The following CRNKL1 variants were observed in gnomAD, a reference collection of about 807,000 sequenced individuals.
The protein encoded by CRNKL1 is crooked neck pre-mRNA splicing factor 1.
In CRNKL1, 35 loss-of-function variants were observed where a neutral mutation model predicts 103.7. That is an observed-to-expected ratio of 0.34 (90% CI 0.26 to 0.45). CRNKL1 has a LOEUF of 0.45. Ranked by LOEUF, CRNKL1 falls within the 20% of genes least tolerant of loss-of-function variation. CRNKL1 has a pLI of 1.00. For missense variants in CRNKL1, 645 were observed against 836.0 expected, an observed-to-expected ratio of 0.77 and a Z score of 2.82; for synonymous variants, 267 against 282.6, an observed-to-expected ratio of 0.94 and a Z score of 0.55.
At chr20:20,055,898 T>TA, upstream of CRNKL1, 1 of 1,380,216 alleles carries the variant, frequency 7.2e-7, no homozygotes. Flanking sequence ...AAGAGAGACT[T>TA]ACAGAAATTG....
chr20:20,044,670 A>C (rs887987602), intron 6 of CRNKL1, among the ~76,000 whole-genome samples: 1 of 152,198 alleles, frequency 6.6e-6, no homozygotes, highest in African/African-American at 2.4e-5. Context: ...CCCAGGCTAG[A>C]GTGCAATGGC....
In CRNKL1 at chr20:20,037,567, C is replaced by A; in HGVS notation, c.1652G>T (p.Trp551Leu). ...CAACTCAAACTGAGCAAAGCTGATC[C>A]ATACCTTTAAAAAAAGTTATTATTG... ...LLQRTQHVKV[W>L]ISFAQFELSS... The change falls in exon 13 of 14, where the codon TGG (tryptophan) becomes TTG (leucine). Residue 551 changes from tryptophan to leucine, a missense_variant. Trp to Leu is a moderately conservative substitution (Grantham distance 61). Around this residue, in one of 2 missense-constraint regions of CRNKL1, gnomAD observed 582 missense variants for 707.7 expected, o/e 0.82. Coordinates refer to ENST00000536226, the MANE Select transcript of CRNKL1 (RefSeq NM_001278628.2). 1 of 1,610,658 alleles carries A rather than the reference C, an allele frequency of 6.2e-7. No homozygotes were observed. Among genetic ancestry groups the A allele is most frequent in the Non-Finnish European group, 8.5e-7 (1 of 1,179,072 alleles).
chr20:20,052,533 G>A (rs750771442), upstream of CRNKL1: 7 of 1,614,140 alleles, frequency 4.3e-6, no homozygotes, highest in African/African-American at 1.3e-5. Context: ...ATGGTGACCA[G>A]GCTGCGCGTC....
In CRNKL1 at chr20:20,036,336, A is replaced by G. The variant is rs1568755127; in HGVS notation, c.1923T>C (p.Phe641=). 6.2e-7 allele frequency: 1 copy of G among 1,614,232 alleles called. No homozygotes were observed. Among genetic ancestry groups the G allele is most frequent in the African/African-American group, 1.3e-5 (1 of 75,068 alleles). The part of the protein sequence containing the change: ...DGSDAGWEEY[F]DYIFPEDAAN... ...CAGCATCTTCTGGAAAGATGTAATC[A>G]AAGTATTCTTCCCAGCCTGCATCAG... The change falls in exon 14 of 14, where the codon TTT becomes TTC. Residue 641 remains phenylalanine (F), a synonymous_variant. Coordinates refer to ENST00000536226, the MANE Select transcript of CRNKL1 (RefSeq NM_001278628.2).
chr20:20,048,891 G>A (rs1018153739), intron 3 of CRNKL1, among the ~76,000 whole-genome samples: 4 of 152,118 alleles, frequency 2.6e-5, no homozygotes, highest in African/African-American at 9.7e-5. Flanking sequence ...CAAGCCTCAC[G>A]ATAAGGAGAC....
intron 1 of CRNKL1, 24 bp from the exon 2 acceptor site, chr20:20,050,646 A>AT (rs1349177220): frequency 1.3e-6 from 2 of 1,580,568 alleles, no homozygotes; most frequent in Non-Finnish European, 1.7e-6. Context: ...AGACATTTCT[A>AT]TTTTTAGTAG....
At chr20:20,042,222 T>A in intron 8 of CRNKL1, 103 bp downstream of exon 8, 1 of 1,102,148 alleles carries the variant, frequency 9.1e-7, no homozygotes, top group Non-Finnish European at 1.3e-6. Flanking sequence ...AATTTAAAAC[T>A]AAATTTCCTT....
chr20:20,040,721 G>A lies in CRNKL1; in HGVS notation c.1270C>T (p.Arg424Ter), dbSNP rs1315344111. The A allele has an allele frequency of 6.2e-7, 1 of 1,611,490 alleles. No homozygotes were observed. The highest frequency in any genetic ancestry group is 8.5e-7 in the Non-Finnish European group (1 of 1,179,416). The change falls in exon 10 of 14, where the codon CGA becomes TGA. Residue 424 changes from arginine (R) to a stop codon, truncating the protein, a stop_gained. Transcript: ENST00000536226. LOFTEE classifies it high-confidence loss of function. ...CTGGCTAATGACAGATTCTTCTGTC[G>A]TATTTCAAACTGTGCATACAGTATC... ...MWILYAQFEI[R>*]QKNLSLARRA...
At chr20:20,054,223 A>G (rs2044083360), upstream of CRNKL1, among the ~76,000 whole-genome samples, 1 of 151,498 alleles carries the variant, frequency 6.6e-6, no homozygotes, top group Non-Finnish European at 1.5e-5. Flanking sequence ...TTTGTATGAA[A>G]TTGTCTTTAT....
At chr20:20,047,344 A>C (rs1363496302) in intron 5 of CRNKL1, among the ~76,000 whole-genome samples, 1 of 152,234 alleles carries the variant, frequency 6.6e-6, no homozygotes, top group East Asian at 1.9e-4. Flanking sequence ...TATAACATTT[A>C]CATTGCATTA....
intron 12 of CRNKL1, among the ~76,000 whole-genome samples, chr20:20,038,091 A>AC (rs1171091079): frequency 1.3e-5 from 2 of 152,048 alleles, no homozygotes; most frequent in East Asian, 3.9e-4. Context: ...GTCTCAAAAA[A>AC]AAAAAAAATA....
intron 4 of CRNKL1, 72 bp downstream of exon 4, chr20:20,048,271 A>C: frequency 6.6e-7 from 1 of 1,523,142 alleles, no homozygotes; most frequent in Non-Finnish European, 9.0e-7. Context: ...TCATCATGTA[A>C]ATAAAATAAA....
chr20:20,044,057 A>G (rs746497984), intron 6 of CRNKL1, among the ~76,000 whole-genome samples: 35 of 150,632 alleles, frequency 2.3e-4, no homozygotes, highest in Admixed American at 9.3e-4. Context: ...TTTTCCTCAT[A>G]CTCCATATTC....
At chr20:20,042,951 A>T (rs937545454) in intron 7 of CRNKL1, among the ~76,000 whole-genome samples, 28 of 152,190 alleles carry the variant, frequency 1.8e-4, no homozygotes, top group African/African-American at 6.0e-4. Flanking sequence ...TTAATAACAG[A>T]CTTAGTCCTT....
In CRNKL1 at chr20:20,036,345, T is replaced by C. The variant is rs770947153; in HGVS notation, c.1914A>G (p.Glu638=). The C allele has an allele frequency of 5.0e-6, 8 of 1,614,200 alleles. No individual in the cohort carries two copies. The South Asian group carries it at 8.8e-5, about 18-fold the overall frequency. ...QTDDGSDAGW[E]EYFDYIFPED... ...CTGGAAAGATGTAATCAAAGTATTC[T>C]TCCCAGCCTGCATCAGACTACAGAA... The change falls in exon 14 of 14, where the codon GAA becomes GAG. Residue 638 remains glutamate, a synonymous_variant. Coordinates refer to ENST00000536226, the MANE Select transcript of CRNKL1 (RefSeq NM_001278628.2).
chr20:20,052,760 T>G, upstream of CRNKL1: 1 of 1,554,334 alleles, frequency 6.4e-7, no homozygotes, highest in South Asian at 1.2e-5. Context: ...ATCTGGATGC[T>G]CGAGGGCGGG....
upstream of CRNKL1, chr20:20,055,935 T>C: frequency 4.4e-6 from 7 of 1,592,410 alleles, no homozygotes; most frequent in Non-Finnish European, 6.0e-6. Context: ...ATTGAAATCA[T>C]TTTGTGACCT....
chr20:20,049,277 T>A (rs2043645848), intron 3 of CRNKL1, 63 bp downstream of exon 3: 6 of 969,726 alleles, frequency 6.2e-6, no homozygotes, highest in Non-Finnish European at 9.4e-6. Context: ...TTTCTTCTTT[T>A]CTTTTTGGTA....
Position 20,034,554 on chromosome 20 carries a change from G to GAT in CRNKL1, c.*1639_*1640dup, listed in dbSNP as rs1291171499. On this transcript the variant is annotated 3_prime_UTR_variant, in exon 14 of 14. Transcript: ENST00000536226. ...CTTATGCATTCATGCAACATAAACA[G>GAT]ATAATTCTAGGAAGACTGTGATTAA... The GAT allele has an allele frequency of 7.2e-6, 1 of 138,398 alleles. No individual in the cohort carries two copies. Among genetic ancestry groups the GAT allele is most frequent in the Admixed American group, 7.3e-5 (1 of 13,728 alleles). The allele number at this position is 138,398 out of a possible 1,614,324, so 8.6% of individuals were successfully genotyped here.
Sources: allele counts gnomAD v4.1 joint callset (sites outside exome capture counted in the v4.1 genomes callset), GRCh38; gene constraint gnomAD v4.1.1; regional missense constraint gnomAD v4.1.1; transcripts MANE v1.5; gene names NCBI Gene and HGNC (gene_info 2026-07-23, HGNC 2026-07-21).